ADGRV1: variants seen among roughly 807,000 people sequenced by gnomAD.
ADGRV1 encodes adhesion G protein-coupled receptor V1, also known as G-protein coupled receptor 98.
A neutral mutation model predicts 596.2 loss-of-function variants in ADGRV1; 359 were observed. The ratio of observed to expected loss-of-function variants is 0.60; its 90% CI spans 0.55 to 0.66. The LOEUF (loss-of-function observed/expected upper bound fraction) is 0.66. Ranked by LOEUF, ADGRV1 falls within the 30% of genes least tolerant of loss-of-function variation. The probability of loss-of-function intolerance (pLI) is 0.00; values close to 1 mark genes in which losing one functional copy is unlikely to be tolerated. For synonymous variants in ADGRV1, 2,681 were observed against 2,679.2 expected (o/e 1.00, Z -0.02); for missense variants, 7,274 against 7,575.6 (o/e 0.96, Z 1.48).
chr5:90,870,435 T>G (rs1768552202), intron 83 of ADGRV1, among the ~76,000 whole-genome samples: 1 of 152,134 alleles, frequency 6.6e-6, no homozygotes, highest in Non-Finnish European at 1.5e-5. Context: ...GAGACCACGC[T>G]ATGTGGAATG....
intron 83 of ADGRV1, among the ~76,000 whole-genome samples, chr5:90,866,311 GTATA>G (rs145385394): frequency 1.6e-5 from 2 of 124,916 alleles, no homozygotes; most frequent in South Asian, 2.9e-4. Context: ...TTGTGTATGT[GTATA>G]TGTGTGTGTG....
At chr5:91,036,732 A>T (rs1353500917) in intron 85 of ADGRV1, among the ~76,000 whole-genome samples, 2 of 151,994 alleles carry the variant, frequency 1.3e-5, no homozygotes, top group African/African-American at 4.8e-5. Flanking sequence ...CAAAAACTAT[A>T]TATATTATTA....
In ADGRV1 at chr5:90,937,671, T is replaced by A. The variant is rs939777872; in HGVS notation, c.17857-27744T>A. Reference sequence around the variant, plus strand: ...ACGGGGTTTCACCGTGTTAGCCAGGTTGGTCTCGATCTTCTGACCCCATGA... The same window carrying A: ...ACGGGGTTTCACCGTGTTAGCCAGGATGGTCTCGATCTTCTGACCCCATGA... On this transcript the variant is annotated intron_variant, in intron 83 of 89. Coordinates refer to ENST00000405460, the MANE Select transcript of ADGRV1 (RefSeq NM_032119.4). Among the ~76,000 whole-genome samples, 9 of 152,098 alleles carry A rather than the reference T, an allele frequency of 5.9e-5. No individual in the cohort carries two copies. In the East Asian group the frequency reaches 1.2e-3, roughly 20 times the overall value.
At chr5:90,910,551 T>TTATCTATCTATCTATC (rs58713482) in intron 83 of ADGRV1, among the ~76,000 whole-genome samples, 52 of 147,196 alleles carry the variant, frequency 3.5e-4, no homozygotes, top group South Asian at 8.8e-4. Context: ...TATATATATA[T>TTATCTATCTATCTATC]TATCTATCTA....
chr5:90,772,171 C>T (rs961171108), intron 59 of ADGRV1, among the ~76,000 whole-genome samples: 5 of 152,048 alleles, frequency 3.3e-5, no homozygotes, highest in African/African-American at 1.2e-4. Flanking sequence ...ATTCACAATC[C>T]CCTACTTGTG....
chr5:91,135,509 A>G (rs890268008), intron 87 of ADGRV1, among the ~76,000 whole-genome samples: 2 of 152,154 alleles, frequency 1.3e-5, no homozygotes, highest in African/African-American at 2.4e-5. Flanking sequence ...AAGTATTTCA[A>G]AATTTCTGGA....
At chr5:90,797,857 A>T in intron 70 of ADGRV1, among the ~76,000 whole-genome samples, 1 of 151,968 alleles carries the variant, frequency 6.6e-6, no homozygotes, top group South Asian at 2.1e-4. Context: ...GAAGGCAGAA[A>T]TAAAGATATT....
chr5:90,748,813 G>GTTTTTTTTTTTTT (rs10700327), intron 52 of ADGRV1, among the ~76,000 whole-genome samples: 1 of 142,314 alleles, frequency 7.0e-6, no homozygotes. Flanking sequence ...CTATCATCAA[G>GTTTTTTTTTTTTT]TTTTTTTTTG....
intron 85 of ADGRV1, among the ~76,000 whole-genome samples, chr5:91,026,950 G>A (rs933830582): frequency 2.0e-5 from 3 of 151,624 alleles, no homozygotes; most frequent in Non-Finnish European, 2.9e-5. Context: ...GAGACCAACC[G>A]GGCTAACATG....
At chr5:91,131,321 C>T (rs1383528404) in intron 87 of ADGRV1, among the ~76,000 whole-genome samples, 1 of 151,440 alleles carries the variant, frequency 6.6e-6, no homozygotes, top group African/African-American at 2.4e-5. Flanking sequence ...GATGATATCT[C>T]ATTATGGTTT....
intron 83 of ADGRV1, among the ~76,000 whole-genome samples, chr5:90,965,179 G>C (rs1311836697): frequency 6.6e-6 from 1 of 152,058 alleles, no homozygotes; most frequent in Non-Finnish European, 1.5e-5. Flanking sequence ...TTTCTCTTGA[G>C]AGCCTAGAGC....
intron 50 of ADGRV1, among the ~76,000 whole-genome samples, chr5:90,732,830 A>C (rs1315833377): frequency 6.6e-6 from 1 of 152,232 alleles, no homozygotes; most frequent in Non-Finnish European, 1.5e-5. Context: ...GAAAAACAGC[A>C]TTATTATGAA....
At chr5:90,787,590 C>CTTTTTTTTTTTTTTTTTTTT (rs35504697) in intron 67 of ADGRV1, among the ~76,000 whole-genome samples, 1 of 118,906 alleles carries the variant, frequency 8.4e-6, no homozygotes, top group African/African-American at 3.0e-5. Context: ...TTCTTTCTTT[C>CTTTTTTTTTTTTTTTTTTTT]TTTTTTTTTT....
At chr5:90,823,736 C>G (rs1216452510) in intron 76 of ADGRV1, 140 bp downstream of exon 76, 6 of 685,722 alleles carry the variant, frequency 8.7e-6, no homozygotes, top group Non-Finnish European at 1.4e-5. Context: ...GTCTAAATCT[C>G]TTTGCCGACA....
chr5:90,884,676 G>A (rs1459462334), intron 83 of ADGRV1, among the ~76,000 whole-genome samples: 1 of 152,042 alleles, frequency 6.6e-6, no homozygotes, highest in African/African-American at 2.4e-5. Flanking sequence ...CAAACTACTA[G>A]TTTCAACTTT....
intron 50 of ADGRV1, among the ~76,000 whole-genome samples, chr5:90,743,359 A>G (rs1029008235): frequency 6.6e-6 from 1 of 152,198 alleles, no homozygotes; most frequent in East Asian, 1.9e-4. Context: ...TTGATATGTA[A>G]GAGTAAGGAT....
At position 90,800,774 on chromosome 5, in the gene ADGRV1, G is replaced by A. The variant is rs547611090; in HGVS notation, c.14518-1965G>A. 4.6e-5 allele frequency among the ~76,000 whole-genome samples: 7 copies of A among 152,276 alleles called. No homozygotes were observed. The South Asian group carries it at 1.2e-3, about 27-fold the overall frequency. On this transcript the variant is annotated intron_variant, in intron 70 of 89. Transcript: ENST00000405460. ...TGGATGAGTTCATGTCCTTTGCAGGGTCATGGATGAAGCTGGAAACTGTCA... is the reference window on the plus strand; with the variant it reads ...TGGATGAGTTCATGTCCTTTGCAGGATCATGGATGAAGCTGGAAACTGTCA...
rs1018347145 is a variant in ADGRV1 at position 90,817,655 on chromosome 5, A to C, written c.16196+1919A>C. ...ATGGCTAGCCAGTTTTCCCAGCACCATTTGTTAAATAGGGAATCCTTTCCC... is the reference window on the plus strand; with the variant it reads ...ATGGCTAGCCAGTTTTCCCAGCACCCTTTGTTAAATAGGGAATCCTTTCCC... On this transcript the variant is annotated intron_variant, in intron 75 of 89. Coordinates refer to ENST00000405460, the MANE Select transcript of ADGRV1 (RefSeq NM_032119.4). 2.6e-5 allele frequency among the ~76,000 whole-genome samples: 4 copies of C among 152,222 alleles called. No individual in the cohort carries two copies. In the South Asian group the frequency reaches 8.3e-4, roughly 32 times the overall value.
At chr5:90,688,976 A>T (rs1395605186) in intron 29 of ADGRV1, among the ~76,000 whole-genome samples, 2 of 152,162 alleles carry the variant, frequency 1.3e-5, no homozygotes, top group Non-Finnish European at 2.9e-5. Flanking sequence ...TCATTGCCAG[A>T]TGTATATATA....
Sources: gnomAD v4.1 joint callset for allele counts (sites outside exome capture counted in the v4.1 genomes callset) on GRCh38, gnomAD v4.1.1 for gene constraint, MANE v1.5 for transcripts, NCBI Gene and HGNC (gene_info 2026-07-23, HGNC 2026-07-21) for gene names.